The following RYR3 variants were observed in gnomAD, a reference collection of about 807,000 sequenced individuals.
RYR3 encodes brain ryanodine receptor-calcium release channel.
RYR3 carries 207 observed loss-of-function variants against 584.3 expected under a neutral mutation model. The observed-to-expected ratio is 0.35, with a 90% CI of 0.32 to 0.40. The LOEUF is 0.40. RYR3 is among the 10% of genes least tolerant of loss of function. The pLI is 1.00. For missense variants in RYR3, 5,616 were observed against 6,089.2 expected (o/e 0.92, Z 2.59); for synonymous variants, 2,416 against 2,248.5 (o/e 1.07, Z -2.11).
At chr15:33,361,761 C>T (rs1214976464) in intron 1 of RYR3, among the ~76,000 whole-genome samples, 2 of 152,198 alleles carry the variant, frequency 1.3e-5, no homozygotes, top group Admixed American at 6.5e-5. Flanking sequence ...AAACCTAGTG[C>T]GTGAGGAGTA....
In RYR3 at chr15:33,835,972, G is replaced by A. The variant is rs955731642; in HGVS notation, c.11568+900G>A. ...TCTGAAATATCCCAAGTTAGAATAG[G>A]TGATCTCTGAGGTCTCTTCACAGCT... On this transcript the variant is annotated intron_variant, in intron 87 of 103. Coordinates refer to ENST00000634891, the MANE Select transcript of RYR3 (RefSeq NM_001036.6). Among the ~76,000 whole-genome samples the A allele has an allele frequency of 3.3e-5, 5 of 152,108 alleles. No individual in the cohort carries two copies. The South Asian group carries it at 1.0e-3, about 32-fold the overall frequency.
At chr15:33,496,588 A>G (rs190986838) in intron 2 of RYR3, among the ~76,000 whole-genome samples, 32 of 152,306 alleles carry the variant, frequency 2.1e-4, no homozygotes, top group African/African-American at 7.7e-4. Flanking sequence ...GTAATTTTAG[A>G]ATGCTACTTC....
rs1208226477 is a variant in RYR3, at chr15:33,550,423, T to C, written c.972+107T>C. On this transcript the variant is annotated intron_variant, in intron 10 of 103. Transcript: ENST00000634891. ...GAAAGTAGGCTGGAACAAAGTGAAA[T>C]TGGAAATTTGCCCTAAGATAGATAA... 3.5e-6 allele frequency: 4 copies of C among 1,140,924 alleles called. No individual in the cohort carries two copies. In the South Asian group the frequency reaches 6.6e-5, roughly 19 times the overall value. 70.7% of individuals were successfully genotyped at this position (1,140,924 alleles called of 1,614,324 possible). A position where few individuals can be genotyped will look rare whatever the true frequency, so the allele number is the denominator to read the frequency against.
At chr15:33,794,505 T>G (rs886476660) in intron 67 of RYR3, among the ~76,000 whole-genome samples, 11 of 151,124 alleles carry the variant, frequency 7.3e-5, no homozygotes, top group Non-Finnish European at 1.3e-4. Flanking sequence ...ATCGCCAGAG[T>G]TTGAAGTGAA....
In RYR3 at chr15:33,355,725, C is replaced by T. The variant is rs551914125; in HGVS notation, c.51+44629C>T. ...TGGAGGCCCTTTGTCACTTGGGCCA[C>T]CAGAAGAAGATGGCTGCTTCTCATC... On this transcript the variant is annotated intron_variant, in intron 1 of 103. Coordinates refer to ENST00000634891, the MANE Select transcript of RYR3 (RefSeq NM_001036.6). 5.9e-5 allele frequency among the ~76,000 whole-genome samples: 9 copies of T among 152,250 alleles called. No individual in the cohort carries two copies. The South Asian group carries it at 1.9e-3, about 32-fold the overall frequency.
intron 38 of RYR3, among the ~76,000 whole-genome samples, chr15:33,686,175 C>A (rs372701042): frequency 8.0e-5 from 12 of 150,916 alleles, no homozygotes; most frequent in Admixed American, 6.0e-4. Flanking sequence ...AAAGATAGAC[C>A]GCTAGCAAGA....
intron 60 of RYR3, among the ~76,000 whole-genome samples, chr15:33,766,780 G>T (rs1173102852): frequency 6.6e-6 from 1 of 152,196 alleles, no homozygotes; most frequent in Non-Finnish European, 1.5e-5. Flanking sequence ...CACCTTTTCT[G>T]CATCTGCAGC....
At chr15:33,679,386 T>G (rs2064423657) in intron 38 of RYR3, among the ~76,000 whole-genome samples, 1 of 152,242 alleles carries the variant, frequency 6.6e-6, no homozygotes, top group African/African-American at 2.4e-5. Context: ...TTTGAGATTT[T>G]ATTTCTTCAT....
intron 1 of RYR3, among the ~76,000 whole-genome samples, chr15:33,446,808 T>G (rs2046706122): frequency 6.6e-6 from 1 of 152,252 alleles, no homozygotes; most frequent in Non-Finnish European, 1.5e-5. Context: ...GTGCAGAAAC[T>G]TAACAGCTTC....
intron 1 of RYR3, among the ~76,000 whole-genome samples, chr15:33,459,418 G>A (rs1477375475): frequency 2.0e-5 from 3 of 152,126 alleles, no homozygotes; most frequent in African/African-American, 7.2e-5. Flanking sequence ...AAAAATTCAG[G>A]TGGTATTAGT....
chr15:33,615,417 G>T (rs911870121), intron 19 of RYR3, among the ~76,000 whole-genome samples: 4 of 152,176 alleles, frequency 2.6e-5, no homozygotes, highest in African/African-American at 9.7e-5. Flanking sequence ...TAGAAATAAA[G>T]AATTGTCCTA....
chr15:33,478,921 G>C (rs1299602367), intron 2 of RYR3, among the ~76,000 whole-genome samples: 3 of 152,170 alleles, frequency 2.0e-5, no homozygotes, highest in Non-Finnish European at 4.4e-5. Flanking sequence ...TTACCTTAGT[G>C]CCCTTTAAAA....
intron 1 of RYR3, among the ~76,000 whole-genome samples, chr15:33,323,821 G>A (rs1969335779): frequency 6.6e-6 from 1 of 152,176 alleles, no homozygotes; most frequent in African/African-American, 2.4e-5. Flanking sequence ...GTCTCTGGCT[G>A]TGCTAAGTGC....
At chr15:33,665,566 T>C (rs2063450503) in intron 36 of RYR3, among the ~76,000 whole-genome samples, 1 of 152,222 alleles carries the variant, frequency 6.6e-6, no homozygotes, top group Non-Finnish European at 1.5e-5. Context: ...ACTGTCCTCG[T>C]GGATATAGCT....
intron 3 of RYR3, among the ~76,000 whole-genome samples, chr15:33,514,806 C>T (rs1271630084): frequency 6.6e-6 from 1 of 151,936 alleles, no homozygotes; most frequent in Admixed American, 6.6e-5. Flanking sequence ...TCGAGACCAT[C>T]CTGGTTAACA....
At chr15:33,442,385 AT>A (rs2046301177) in intron 1 of RYR3, among the ~76,000 whole-genome samples, 1 of 152,142 alleles carries the variant, frequency 6.6e-6, no homozygotes, top group African/African-American at 2.4e-5. Flanking sequence ...TTTGCTTATT[AT>A]TTTTATTTTG....
Position 33,821,575 on chromosome 15 carries a change from G to T in RYR3, c.10968G>T (p.Leu3656=), listed in dbSNP as rs1467422608. 3.7e-6 allele frequency: 6 copies of T among 1,613,910 alleles called. No individual in the cohort carries two copies. Among genetic ancestry groups the T allele is most frequent in the East Asian group, 4.5e-5 (2 of 44,890 alleles). ...VETLKLGIAI[L]NGGNAGVQQK... is the part of the protein sequence containing the mutation. ...CGCTGAAGCTGGGGATCGCCATTCT[G>T]AACGGAGGCAATGCTGGTGTGCAAC... The change falls in exon 80 of 104, where the codon CTG becomes CTT. Residue 3656 remains leucine, a synonymous_variant. Transcript: ENST00000634891.
chr15:33,670,441 A>AGAG lies in RYR3; in HGVS notation c.5757_5759dup (p.Glu1919dup), dbSNP rs755716370. 2.5e-6 allele frequency: 4 copies of AGAG among 1,613,782 alleles called. No homozygotes were observed. The highest frequency in any genetic ancestry group is 1.1e-5 in the South Asian group (1 of 91,078). ...TAGGGGTTCCTTTGGAAGAAGAGGA[A>AGAG]GAGGAGGAGGAGGACACCTCCTGGA... On this transcript the variant is annotated inframe_insertion, in exon 38 of 104. Transcript: ENST00000634891.
intron 1 of RYR3, among the ~76,000 whole-genome samples, chr15:33,445,775 T>C (rs2046603708): frequency 6.6e-6 from 1 of 151,868 alleles, no homozygotes; most frequent in Non-Finnish European, 1.5e-5. Flanking sequence ...TTATTTTTTT[T>C]TTAATGAAAG....
Sources: allele counts gnomAD v4.1 joint callset (sites outside exome capture counted in the v4.1 genomes callset), GRCh38; gene constraint gnomAD v4.1.1; transcripts MANE v1.5; gene names NCBI Gene and HGNC (gene_info 2026-07-23, HGNC 2026-07-21).